CDADC1: variants seen among roughly 807,000 people sequenced by gnomAD.
CDADC1 encodes cytidine and dCMP deaminase domain containing 1, also known as dCTP deaminase.
Under a neutral mutation model 54.9 loss-of-function variants are expected in CDADC1, and 39 were observed. That is an observed-to-expected ratio of 0.71 (90% CI 0.55 to 0.93). The LOEUF (loss-of-function observed/expected upper bound fraction) is 0.93, where lower values mean the gene tolerates loss of function less well. CDADC1 is among the 40% of genes least tolerant of loss of function. CDADC1 has a pLI of 0.00. For synonymous variants in CDADC1, 186 were observed against 204.0 expected (o/e 0.91, Z 0.75); for missense variants, 518 against 618.8 (o/e 0.84, Z 1.73).
intron 9 of CDADC1, among the ~76,000 whole-genome samples, chr13:49,287,431 T>G (rs936692993): frequency 2.0e-5 from 3 of 152,194 alleles, no homozygotes; most frequent in African/African-American, 7.2e-5. Flanking sequence ...ATCCACTGCA[T>G]CTTTCTTTTT....
Position 49,263,406 on chromosome 13 carries a change from C to T in CDADC1, c.430+3883C>T, listed in dbSNP as rs545599769. 3.9e-5 allele frequency among the ~76,000 whole-genome samples: 6 copies of T among 152,036 alleles called. No individual in the cohort carries two copies. In the East Asian group the frequency reaches 7.7e-4, roughly 20 times the overall value. The stretch of plus-strand genomic sequence containing the variant: ...GTAAAATCAGTAAATCATTGTTTTC[C>T]GGATGACCAATGCACAATGCTACAA... On this transcript the variant is annotated intron_variant, in intron 4 of 9. Coordinates refer to ENST00000251108, the MANE Select transcript of CDADC1 (RefSeq NM_030911.4).
intron 9 of CDADC1, among the ~76,000 whole-genome samples, chr13:49,287,466 G>GTATCTATCTATCTATC (rs55902616): frequency 6.2e-5 from 9 of 146,098 alleles, no homozygotes; most frequent in Non-Finnish European, 1.1e-4. Flanking sequence ...AAAAAAGGCT[G>GTATCTATCTATCTATC]TATCTATCTA....
intron 8 of CDADC1, among the ~76,000 whole-genome samples, chr13:49,285,380 T>G (rs1047911200): frequency 6.6e-6 from 1 of 151,818 alleles, no homozygotes; most frequent in Admixed American, 6.6e-5. Context: ...GGGTTTCACC[T>G]TGTTAGCCAG....
At chr13:49,275,714 TATATATATATATAGAGAGAGAGAG>T (rs1953096211) in intron 6 of CDADC1, among the ~76,000 whole-genome samples, 14 of 76,812 alleles carry the variant, frequency 1.8e-4, no homozygotes, top group South Asian at 5.3e-4. Flanking sequence ...TATATATATA[TATATATATATATAGAGAGAGAGAG>T]AGAGAGAGAG....
At chr13:49,275,623 A>G (rs1375223305) in intron 6 of CDADC1, among the ~76,000 whole-genome samples, 2 of 148,782 alleles carry the variant, frequency 1.3e-5, no homozygotes, top group Non-Finnish European at 3.0e-5. Flanking sequence ...GTGACATACT[A>G]TAGCACAGCA....
intron 1 of CDADC1, 117 bp downstream of exon 1, chr13:49,248,236 ATGTCTCCTGCCCGCCCTCTGCG>A: frequency 1.1e-6 from 1 of 906,578 alleles, no homozygotes; most frequent in Non-Finnish European, 1.7e-6. Context: ...CTGCTTTTGG[ATGTCTCCTGCCCGCCCTCTGCG>A]TGTCCCCTCC....
intron 9 of CDADC1, among the ~76,000 whole-genome samples, chr13:49,290,749 T>C (rs1012121186): frequency 3.3e-5 from 5 of 152,156 alleles, no homozygotes; most frequent in Non-Finnish European, 7.3e-5. Context: ...TTTGGGAGGC[T>C]GAGGTGGGAG....
At chr13:49,268,546 T>G (rs1265724348) in intron 5 of CDADC1, among the ~76,000 whole-genome samples, 1 of 151,992 alleles carries the variant, frequency 6.6e-6, no homozygotes, top group Non-Finnish European at 1.5e-5. Context: ...GTGCCTATAG[T>G]CCCGGCTACT....
chr13:49,271,081 T>C (rs961160351), intron 5 of CDADC1, among the ~76,000 whole-genome samples: 1 of 152,176 alleles, frequency 6.6e-6, no homozygotes, highest in Non-Finnish European at 1.5e-5. Context: ...AATTGCTTTT[T>C]GAATGATGAA....
At chr13:49,280,220 C>T (rs1953279855) in intron 7 of CDADC1, among the ~76,000 whole-genome samples, 1 of 152,066 alleles carries the variant, frequency 6.6e-6, no homozygotes, top group African/African-American at 2.4e-5. Context: ...GTGTCTGTAT[C>T]TTCCTGATTT....
chr13:49,250,413 G>C (rs1209186413), intron 2 of CDADC1, among the ~76,000 whole-genome samples: 2 of 152,214 alleles, frequency 1.3e-5, no homozygotes, highest in Admixed American at 6.5e-5. Flanking sequence ...TGAGTACATA[G>C]TATAAGCAGA....
chr13:49,290,489 A>C (rs1953673238), intron 9 of CDADC1, among the ~76,000 whole-genome samples: 1 of 152,160 alleles, frequency 6.6e-6, no homozygotes, highest in African/African-American at 2.4e-5. Context: ...GGCTTTCCAG[A>C]TCTACCTCTG....
intron 3 of CDADC1, among the ~76,000 whole-genome samples, chr13:49,257,866 A>G (rs1380384851): frequency 6.6e-6 from 1 of 152,258 alleles, no homozygotes; most frequent in Non-Finnish European, 1.5e-5. Context: ...GAAATCAATA[A>G]TAATATATGC....
At chr13:49,283,542 T>TAAGG (rs1290348643) in intron 8 of CDADC1, among the ~76,000 whole-genome samples, 20 of 152,280 alleles carry the variant, frequency 1.3e-4, no homozygotes, top group Non-Finnish European at 2.8e-4. Flanking sequence ...TCATAAAGAT[T>TAAGG]AAGGACTATG....
At chr13:49,283,671 G>A (rs1953416934) in intron 8 of CDADC1, among the ~76,000 whole-genome samples, 1 of 152,096 alleles carries the variant, frequency 6.6e-6, no homozygotes, top group Non-Finnish European at 1.5e-5. Context: ...AGAAGCAGAA[G>A]GAGGCAGGAA....
intron 2 of CDADC1, among the ~76,000 whole-genome samples, chr13:49,249,323 A>T (rs1341200907): frequency 1.3e-5 from 2 of 152,184 alleles, no homozygotes; most frequent in South Asian, 4.1e-4. Context: ...GGAGATAGAG[A>T]CCATGTCTTA....
At chr13:49,282,639 G>T (rs1399123364) in intron 8 of CDADC1, among the ~76,000 whole-genome samples, 1 of 152,164 alleles carries the variant, frequency 6.6e-6, no homozygotes, top group Non-Finnish European at 1.5e-5. Context: ...TTCATTAGCT[G>T]CCCAAGAAAT....
chr13:49,255,977 T>C (rs1335732789), intron 3 of CDADC1, 64 bp downstream of exon 3: 100 of 1,556,714 alleles, frequency 6.4e-5, no homozygotes, highest in Non-Finnish European at 8.4e-5. Context: ...TAGTATAAAG[T>C]AGAATAAAAG....
At chr13:49,270,520 G>GAGA in intron 5 of CDADC1, among the ~76,000 whole-genome samples, 1 of 152,304 alleles carries the variant, frequency 6.6e-6, no homozygotes, top group East Asian at 1.9e-4. Flanking sequence ...GCCCAATCCA[G>GAGA]ATTTTAAAAA....
Sources: gnomAD v4.1 joint callset for allele counts (sites outside exome capture counted in the v4.1 genomes callset) on GRCh38, gnomAD v4.1.1 for gene constraint, MANE v1.5 for transcripts, NCBI Gene and HGNC (gene_info 2026-07-23, HGNC 2026-07-21) for gene names.